FOCAD: variants seen among roughly 807,000 people sequenced by gnomAD.
FOCAD encodes KIAA1797.
In FOCAD, 198 loss-of-function variants were observed where a neutral mutation model predicts 225.6. That is an observed-to-expected ratio of 0.88 (90% confidence interval 0.78 to 0.99). The LOEUF (loss-of-function observed/expected upper bound fraction) is 0.99. Ranked by LOEUF, FOCAD falls within the 50% of genes least tolerant of loss-of-function variation. The probability of loss-of-function intolerance (pLI) is 0.00; values close to 1 mark genes in which losing one functional copy is unlikely to be tolerated. For synonymous variants in FOCAD, 897 were observed against 755.0 expected, an observed-to-expected ratio of 1.19 and a Z score of -3.08; for missense variants, 2,713 against 2,123.6, an observed-to-expected ratio of 1.28 and a Z score of -5.46.
chr9:20,896,214 T>C (rs1489561223), intron 21 of FOCAD, among the ~76,000 whole-genome samples: 2 of 151,916 alleles, frequency 1.3e-5, no homozygotes, highest in African/African-American at 4.8e-5. Context: ...AAAATCCATG[T>C]GGTTGTGGTG....
At chr9:20,754,061 C>G (rs1348066090) in intron 5 of FOCAD, among the ~76,000 whole-genome samples, 2 of 152,030 alleles carry the variant, frequency 1.3e-5, no homozygotes, top group African/African-American at 4.8e-5. Context: ...AGTAATGCTT[C>G]CAATTTAAAG....
chr9:20,680,925 G>A (rs1822381732), upstream of FOCAD, among the ~76,000 whole-genome samples: 1 of 152,162 alleles, frequency 6.6e-6, no homozygotes, highest in Non-Finnish European at 1.5e-5. Context: ...CTTGAGCTCA[G>A]GAGGTGAGGC....
intron 1 of FOCAD, among the ~76,000 whole-genome samples, chr9:20,696,232 A>G (rs949830267): frequency 6.6e-6 from 1 of 152,198 alleles, no homozygotes; most frequent in South Asian, 2.1e-4. Context: ...CCTTTGACCA[A>G]ATGGAGACCT....
At chr9:20,784,898 A>G (rs555580160) in intron 10 of FOCAD, among the ~76,000 whole-genome samples, 1 of 152,060 alleles carries the variant, frequency 6.6e-6, no homozygotes, top group South Asian at 2.1e-4. Context: ...ATTTCTTACA[A>G]TAACTATGAA....
At chr9:20,936,399 T>C (rs1430749034) in intron 28 of FOCAD, among the ~76,000 whole-genome samples, 1 of 152,174 alleles carries the variant, frequency 6.6e-6, no homozygotes, top group African/African-American at 2.4e-5. Context: ...TCATCAGGAA[T>C]AAATAAAGTA....
chr9:20,913,882 T>C (rs151027246), intron 23 of FOCAD, among the ~76,000 whole-genome samples: 1 of 152,280 alleles, frequency 6.6e-6, no homozygotes, highest in African/African-American at 2.4e-5. Context: ...TTAAAATATA[T>C]AGAGAGACCT....
chr9:20,772,127 T>C (rs905374865), intron 8 of FOCAD, among the ~76,000 whole-genome samples: 1 of 152,128 alleles, frequency 6.6e-6, no homozygotes, highest in Non-Finnish European at 1.5e-5. Flanking sequence ...GGCTTTATGA[T>C]TGATTAGATG....
chr9:20,948,982 C>A, intron 32 of FOCAD, 54 bp downstream of exon 32: 1 of 1,513,190 alleles, frequency 6.6e-7, no homozygotes, highest in Non-Finnish European at 9.2e-7. Context: ...ATAGCCATAG[C>A]GGGAGAAGAA....
chr9:20,936,721 T>G (rs1420832702), intron 28 of FOCAD, among the ~76,000 whole-genome samples: 1 of 152,134 alleles, frequency 6.6e-6, no homozygotes, highest in Non-Finnish European at 1.5e-5. Context: ...AACATAGTGT[T>G]GGAAGTTCTG....
chr9:20,943,531 A>G (rs370861378), intron 28 of FOCAD, among the ~76,000 whole-genome samples: 35 of 152,250 alleles, frequency 2.3e-4, no homozygotes, highest in African/African-American at 7.9e-4. Context: ...TAGCCTGTCT[A>G]TCCTTCTGGG....
In FOCAD at chr9:20,865,943, C is replaced by T. The variant is rs781506617; in HGVS notation, c.2073C>T (p.Val691=). Reference sequence around the variant, plus strand: ...CTTTTCAGAATTTTAAAGTTCAAGTCCTCAGCTTCCTCTGGACTCATACTC... The same window carrying T: ...CTTTTCAGAATTTTAAAGTTCAAGTTCTCAGCTTCCTCTGGACTCATACTC... ...TTEYENFKVQ[V]LSFLWTHTQN... Residue 691 remains valine (V), a synonymous_variant, in exon 17 of 44, where the codon GTC becomes GTT. Coordinates refer to ENST00000338382, the MANE Select transcript of FOCAD (RefSeq NM_001375567.1). 3.1e-6 allele frequency: 5 copies of T among 1,608,730 alleles called. No homozygotes were observed. In the South Asian group the frequency reaches 5.6e-5, roughly 18 times the overall value.
chr9:20,721,233 A>G (rs1293499361), intron 4 of FOCAD, among the ~76,000 whole-genome samples: 1 of 152,158 alleles, frequency 6.6e-6, no homozygotes, highest in Non-Finnish European at 1.5e-5. Flanking sequence ...TGACTACTTC[A>G]AATCATTTGG....
At chr9:20,919,147 G>A (rs923559196) in intron 24 of FOCAD, among the ~76,000 whole-genome samples, 10 of 152,020 alleles carry the variant, frequency 6.6e-5, no homozygotes, top group African/African-American at 1.4e-4. Flanking sequence ...TGCAAAAATC[G>A]CAAGCATTCT....
upstream of FOCAD, among the ~76,000 whole-genome samples, chr9:20,657,955 TG>T (rs1821551800): frequency 1.4e-5 from 2 of 140,342 alleles, no homozygotes; most frequent in South Asian, 2.4e-4. Flanking sequence ...GATGGGTTTT[TG>T]GTGTGGATGT....
chr9:20,948,590 G>A (rs910194705), intron 31 of FOCAD, among the ~76,000 whole-genome samples, 197 bp downstream of exon 31: 1 of 151,944 alleles, frequency 6.6e-6, no homozygotes. Context: ...TTTTGAACTG[G>A]CTATTTTGTC....
intron 2 of FOCAD, among the ~76,000 whole-genome samples, chr9:20,677,618 C>A (rs1244500245): frequency 6.6e-6 from 1 of 151,316 alleles, no homozygotes; most frequent in African/African-American, 2.5e-5. Flanking sequence ...AAATGCTCAA[C>A]ATCAGTAATC....
At chr9:20,872,530 C>T (rs1369847581) in intron 18 of FOCAD, among the ~76,000 whole-genome samples, 1 of 126,410 alleles carries the variant, frequency 7.9e-6, no homozygotes, top group Non-Finnish European at 1.6e-5. Context: ...CCCTCCTCTT[C>T]CCCTCCCCCT....
Position 20,907,181 on chromosome 9 carries a change from C to T in FOCAD, c.2657C>T (p.Ala886Val). 2.5e-6 allele frequency: 4 copies of T among 1,613,156 alleles called. No homozygotes were observed. In the South Asian group the frequency reaches 3.3e-5, roughly 13 times the overall value. Residue 886 changes from alanine to valine, a missense_variant, in exon 22 of 44, where the codon GCA becomes GTA. Physicochemically the swap from Ala to Val is moderately conservative, Grantham distance 64. Coordinates refer to ENST00000338382, the MANE Select transcript of FOCAD (RefSeq NM_001375567.1). The part of the protein sequence containing the change: ...VHIQLSEWHR[A>V]IFLPQAWLAY... ...ATCCAGCTTTCAGAGTGGCACCGTG[C>T]AATTTTTCTTCCACAGGCCTGGCTT...
chr9:20,666,020 G>A (rs1320573972), intron 2 of FOCAD, among the ~76,000 whole-genome samples: 2 of 152,026 alleles, frequency 1.3e-5, no homozygotes, highest in Non-Finnish European at 2.9e-5. Flanking sequence ...TCAGCCTCCC[G>A]AGTAGCTGGG....
Sources: allele counts gnomAD v4.1 joint callset (sites outside exome capture counted in the v4.1 genomes callset), GRCh38; gene constraint gnomAD v4.1.1; transcripts MANE v1.5; gene names NCBI Gene and HGNC (gene_info 2026-07-23, HGNC 2026-07-21).